CSMD1: variants seen among roughly 807,000 people sequenced by gnomAD.
CSMD1 encodes CUB and Sushi multiple domains 1.
A neutral mutation model predicts 417.5 loss-of-function variants in CSMD1; 213 were observed. The observed-to-expected ratio is 0.51, with a 90% CI of 0.46 to 0.57. The LOEUF is 0.57. CSMD1 is among the 20% of genes least tolerant of loss of function. The pLI, the probability that CSMD1 is intolerant of heterozygous loss-of-function variation, is 0.00. For synonymous variants in CSMD1, 2,862 were observed against 1,736.8 expected (o/e 1.65, Z -16.11); for missense variants, 6,923 against 4,529.7 (o/e 1.53, Z -15.17).
At chr8:3,032,528 T>G (rs1329875529) in intron 50 of CSMD1, among the ~76,000 whole-genome samples, 1 of 152,042 alleles carries the variant, frequency 6.6e-6, no homozygotes, top group Non-Finnish European at 1.5e-5. Flanking sequence ...GGCAAAAATC[T>G]GATAACAGAA....
chr8:4,388,102 C>CATTT (rs1222212725), intron 3 of CSMD1, among the ~76,000 whole-genome samples: 5 of 152,172 alleles, frequency 3.3e-5, no homozygotes, highest in African/African-American at 1.2e-4. Flanking sequence ...ACTAAAGATA[C>CATTT]AGCTGTCTCT....
intron 4 of CSMD1, among the ~76,000 whole-genome samples, chr8:4,003,210 G>C (rs1430972375): frequency 6.6e-6 from 1 of 152,006 alleles, no homozygotes; most frequent in African/African-American, 2.4e-5. Context: ...TGGCTAACAT[G>C]GTGAAACCCC....
At chr8:2,944,334 T>C in intron 68 of CSMD1, among the ~76,000 whole-genome samples, 1 of 152,040 alleles carries the variant, frequency 6.6e-6, no homozygotes, top group South Asian at 2.1e-4. Context: ...CAACATGAAG[T>C]GTGTGTGTAT....
At chr8:4,674,423 G>T (rs1040303849) in intron 1 of CSMD1, among the ~76,000 whole-genome samples, 1 of 152,134 alleles carries the variant, frequency 6.6e-6, no homozygotes, top group Non-Finnish European at 1.5e-5. Context: ...AACAGGTAGG[G>T]TGATGCCAGG....
intron 5 of CSMD1, among the ~76,000 whole-genome samples, chr8:3,888,807 G>C (rs1217954029): frequency 2.0e-5 from 3 of 152,030 alleles, no homozygotes; most frequent in Non-Finnish European, 4.4e-5. Context: ...CTTCTAAAAT[G>C]AGCTAAGAAA....
chr8:4,018,102 T>C (rs1298037957), intron 4 of CSMD1, among the ~76,000 whole-genome samples: 1 of 152,222 alleles, frequency 6.6e-6, no homozygotes, highest in Non-Finnish European at 1.5e-5. Flanking sequence ...GCCTATTGTA[T>C]GGCATAAAGT....
chr8:3,109,035 C>G (rs978807622), intron 43 of CSMD1, among the ~76,000 whole-genome samples: 1 of 152,258 alleles, frequency 6.6e-6, no homozygotes, highest in South Asian at 2.1e-4. Flanking sequence ...GAGGCCAAGG[C>G]AGGCAGATCA....
chr8:4,358,916 A>G (rs35756025), intron 3 of CSMD1, among the ~76,000 whole-genome samples: 62 of 152,080 alleles, frequency 4.1e-4, no homozygotes, highest in African/African-American at 1.4e-3. Flanking sequence ...AACCTTTATT[A>G]AAAAAACTGA....
intron 1 of CSMD1, among the ~76,000 whole-genome samples, chr8:4,703,904 C>G (rs1260647017): frequency 6.6e-6 from 1 of 152,090 alleles, no homozygotes; most frequent in Non-Finnish European, 1.5e-5. Flanking sequence ...TGAAACTGTT[C>G]CACCTCAGAT....
At chr8:3,955,797 C>T (rs1811900507) in intron 5 of CSMD1, among the ~76,000 whole-genome samples, 1 of 152,174 alleles carries the variant, frequency 6.6e-6, no homozygotes, top group Admixed American at 6.5e-5. Context: ...AGAAATCAAT[C>T]ATATCTCTGG....
chr8:4,806,852 A>T (rs77290069), intron 1 of CSMD1, among the ~76,000 whole-genome samples: 8,403 of 152,248 alleles, frequency 0.055, 385 homozygotes, highest in East Asian at 0.23. Flanking sequence ...TCATAAAAAA[A>T]TAATAAAACT....
At chr8:3,341,378 C>T (rs1052028032) in intron 23 of CSMD1, among the ~76,000 whole-genome samples, 1 of 152,196 alleles carries the variant, frequency 6.6e-6, no homozygotes, top group African/African-American at 2.4e-5. Flanking sequence ...CATAAATCTT[C>T]TTCTGGATAC....
chr8:3,604,363 A>G (rs1801503855), intron 8 of CSMD1, among the ~76,000 whole-genome samples: 1 of 152,116 alleles, frequency 6.6e-6, no homozygotes, highest in African/African-American at 2.4e-5. Flanking sequence ...CAGGTACCTC[A>G]TGGGGTGATG....
chr8:4,569,403 C>T (rs1221367155), intron 2 of CSMD1, among the ~76,000 whole-genome samples: 2 of 152,160 alleles, frequency 1.3e-5, no homozygotes, highest in African/African-American at 2.4e-5. Flanking sequence ...AATAGGAAAT[C>T]CTTTCCCCAT....
chr8:2,984,580 C>T (rs919035904), intron 54 of CSMD1, among the ~76,000 whole-genome samples: 16 of 152,192 alleles, frequency 1.1e-4, no homozygotes, highest in African/African-American at 3.9e-4. Context: ...AACTCCTGAC[C>T]TCGTGATCCA....
chr8:4,285,998 G>A (rs537068546), intron 3 of CSMD1, among the ~76,000 whole-genome samples: 2 of 152,166 alleles, frequency 1.3e-5, no homozygotes, highest in Non-Finnish European at 2.9e-5. Flanking sequence ...ACCTCTGACA[G>A]CAAGCAGGTT....
intron 10 of CSMD1, among the ~76,000 whole-genome samples, chr8:3,495,217 T>C (rs1796315430): frequency 6.6e-6 from 1 of 152,228 alleles, no homozygotes; most frequent in Non-Finnish European, 1.5e-5. Flanking sequence ...TTTTTGTTTC[T>C]CATGAACCAA....
chr8:3,524,294 C>T (rs1174054362), intron 10 of CSMD1, among the ~76,000 whole-genome samples: 2 of 151,546 alleles, frequency 1.3e-5, no homozygotes, highest in Non-Finnish European at 2.9e-5. Flanking sequence ...CATGCACACA[C>T]ACGTACACTC....
intron 12 of CSMD1, among the ~76,000 whole-genome samples, chr8:3,418,185 G>A (rs1813275322): frequency 6.6e-6 from 1 of 152,062 alleles, no homozygotes; most frequent in Non-Finnish European, 1.5e-5. Context: ...AGATGGAGCG[G>A]GAACTACACC....
Sources: allele counts gnomAD v4.1 joint callset (sites outside exome capture counted in the v4.1 genomes callset), GRCh38; gene constraint gnomAD v4.1.1; transcripts MANE v1.5; gene names NCBI Gene and HGNC (gene_info 2026-07-23, HGNC 2026-07-21).